The following PRLHR variants were observed in gnomAD, a reference collection of about 807,000 sequenced individuals.
The protein encoded by PRLHR is prolactin releasing hormone receptor, also known as prolactin-releasing peptide receptor.
In PRLHR, 10 loss-of-function variants were observed where a neutral mutation model predicts 9.3. The observed-to-expected ratio is 1.08, with a 90% CI of 0.66 to 1.82. The LOEUF (loss-of-function observed/expected upper bound fraction) is 1.82, where lower values mean the gene tolerates loss of function less well. Among genes scored for constraint, PRLHR ranks in the 40% most tolerant of loss-of-function variants. The pLI is 0.00. For missense variants in PRLHR, 589 were observed against 512.0 expected, an observed-to-expected ratio of 1.15 and a Z score of -1.45; for synonymous variants, 261 against 249.3, an observed-to-expected ratio of 1.05 and a Z score of -0.44.
In PRLHR at chr10:118,590,537, C is replaced by T. The variant is rs1844423337; in HGVS notation, c.*3595G>A. On this transcript the variant is annotated 3_prime_UTR_variant, in exon 2 of 2. Coordinates refer to ENST00000239032, the MANE Select transcript of PRLHR (RefSeq NM_004248.3). ...CCAAAAGTGTGACCTGGTGACAAAGCTTGCAAAGAGGATTACAGAACCTCC... is the reference window on the plus strand; with the variant it reads ...CCAAAAGTGTGACCTGGTGACAAAGTTTGCAAAGAGGATTACAGAACCTCC... 6.6e-6 allele frequency: 1 copy of T among 152,184 alleles called. No individual in the cohort carries two copies. Among genetic ancestry groups the T allele is most frequent in the African/African-American group, 2.4e-5 (1 of 41,452 alleles). 9.4% of individuals were successfully genotyped at this position (152,184 alleles called of 1,614,324 possible). A position where few individuals can be genotyped will look rare whatever the true frequency, so the allele number is the denominator to read the frequency against.
Position 118,594,021 on chromosome 10 carries a change from TG to T in PRLHR, c.*110del. ...GGGCTGGGCTGGAAATGTTGCCCTATGTTGGCTTAGCTAGCTCTGGTGCTGA... is the reference window on the plus strand; with the variant it reads ...GGGCTGGGCTGGAAATGTTGCCCTATTTGGCTTAGCTAGCTCTGGTGCTGA... On this transcript the variant is annotated 3_prime_UTR_variant, in exon 2 of 2. Transcript: ENST00000239032. The T allele has an allele frequency of 7.0e-7, 1 of 1,430,146 alleles. No homozygotes were observed. The highest frequency in any genetic ancestry group is 1.8e-5 in the South Asian group (1 of 54,846). The allele number at this position is 1,430,146 out of a possible 1,614,324, so 88.6% of individuals were successfully genotyped here. A position where few individuals can be genotyped will look rare whatever the true frequency, so the allele number is the denominator to read the frequency against.
chr10:118,592,462 C>T lies in PRLHR; in HGVS notation c.*1670G>A, dbSNP rs1032340752. 1 of 152,304 alleles carries T rather than the reference C, an allele frequency of 6.6e-6. No individual in the cohort carries two copies. Among genetic ancestry groups the T allele is most frequent in the Non-Finnish European group, 1.5e-5 (1 of 68,122 alleles). The allele number at this position is 152,304 out of a possible 1,614,324, so 9.4% of individuals were successfully genotyped here. ...TTTGTTCTCCAATCCACGGATGAAGCTCAAGTTCATTTAGCACCATTGCCA... is the reference window on the plus strand; with the variant it reads ...TTTGTTCTCCAATCCACGGATGAAGTTCAAGTTCATTTAGCACCATTGCCA... On this transcript the variant is annotated 3_prime_UTR_variant, in exon 2 of 2. Transcript: ENST00000239032.
rs752821398 is a variant in PRLHR at position 118,594,106 on chromosome 10, C to G, written c.*26G>C. On this transcript the variant is annotated 3_prime_UTR_variant, in exon 2 of 2. Coordinates refer to ENST00000239032, the MANE Select transcript of PRLHR (RefSeq NM_004248.3). ...TAGGAGGCCAGTTGAAGTGGAGCTCCTTGACCAAGGCCTGGCTAAGTGGCA... is the reference window on the plus strand; with the variant it reads ...TAGGAGGCCAGTTGAAGTGGAGCTCGTTGACCAAGGCCTGGCTAAGTGGCA... 4.3e-5 allele frequency: 65 copies of G among 1,510,390 alleles called. No individual in the cohort carries two copies. Among genetic ancestry groups the G allele is most frequent in the Non-Finnish European group, 5.6e-5 (63 of 1,128,834 alleles). 93.6% of individuals were successfully genotyped at this position (1,510,390 alleles called of 1,614,324 possible). A position where few individuals can be genotyped will look rare whatever the true frequency, so the allele number is the denominator to read the frequency against.
Position 118,594,026 on chromosome 10 carries a change from G to T in PRLHR, c.*106C>A. Reference sequence around the variant, plus strand: ...GGGCTGGAAATGTTGCCCTATGTTGGCTTAGCTAGCTCTGGTGCTGAGAAT... The same window carrying T: ...GGGCTGGAAATGTTGCCCTATGTTGTCTTAGCTAGCTCTGGTGCTGAGAAT... On this transcript the variant is annotated 3_prime_UTR_variant, in exon 2 of 2. Transcript: ENST00000239032. 1 of 1,448,504 alleles carries T rather than the reference G, an allele frequency of 6.9e-7. No individual in the cohort carries two copies. Among genetic ancestry groups the T allele is most frequent in the Non-Finnish European group, 9.1e-7 (1 of 1,097,310 alleles). 89.7% of individuals were successfully genotyped at this position (1,448,504 alleles called of 1,614,324 possible). A position where few individuals can be genotyped will look rare whatever the true frequency, so the allele number is the denominator to read the frequency against.
rs767604371 is a variant in PRLHR, at chr10:118,594,194, C to T, written c.1051G>A (p.Val351Ile). ...SFREELRKLL[V>I]AWPRKIAPHG... ...GGGGCTATCTTGCGGGGCCAAGCGACCAACAGTTTGCGCAGCTCCTCGCGG... is the reference window on the plus strand; with the variant it reads ...GGGGCTATCTTGCGGGGCCAAGCGATCAACAGTTTGCGCAGCTCCTCGCGG... The change falls in exon 2 of 2, where the codon GTC (valine) becomes ATC (isoleucine). Residue 351 changes from valine to isoleucine, a missense_variant. Coordinates refer to ENST00000239032, the MANE Select transcript of PRLHR (RefSeq NM_004248.3). 1 of 1,568,900 alleles carries T rather than the reference C, an allele frequency of 6.4e-7. No individual in the cohort carries two copies. The highest frequency in any genetic ancestry group is 1.2e-5 in the South Asian group (1 of 82,724).
Position 118,595,241 on chromosome 10 carries a change from C to T in PRLHR, c.4G>A (p.Ala2Thr), listed in dbSNP as rs750092140. 2 of 1,521,744 alleles carry T rather than the reference C, an allele frequency of 1.3e-6. No individual in the cohort carries two copies. The highest frequency in any genetic ancestry group is 1.8e-4 in the Middle Eastern group (1 of 5,634). 94.3% of individuals were successfully genotyped at this position (1,521,744 alleles called of 1,614,324 possible). A position where few individuals can be genotyped will look rare whatever the true frequency, so the allele number is the denominator to read the frequency against. MASSTTRGPRVS... is the reference protein window; with the variant it reads MTSSTTRGPRVS... Reference sequence around the variant, plus strand: ...CTGGGGCCCCGAGTGGTCGATGAGGCCATGGCCACCTGTTCAAAGGTAATC... The same window carrying T: ...CTGGGGCCCCGAGTGGTCGATGAGGTCATGGCCACCTGTTCAAAGGTAATC... The change falls in exon 2 of 2, where the codon GCC becomes ACC. Residue 2 changes from alanine (A) to threonine (T), a missense_variant. Coordinates refer to ENST00000239032, the MANE Select transcript of PRLHR (RefSeq NM_004248.3).
In PRLHR at chr10:118,594,868, C is replaced by G; in HGVS notation, c.377G>C (p.Gly126Ala). Reference protein sequence around the residue: ...LTLAYAFEPRGWVFGGGLCHL... With the variant: ...LTLAYAFEPRAWVFGGGLCHL... The stretch of plus-strand genomic sequence containing the variant: ...GCACAGGCCGCCGCCGAACACCCAG[C>G]CGCGTGGCTCGAAGGCATAGGCCAG... Residue 126 changes from glycine (G) to alanine (A), a missense_variant, in exon 2 of 2, where the codon GGC (glycine) becomes GCC (alanine). Transcript: ENST00000239032. 1.2e-6 allele frequency: 2 copies of G among 1,613,342 alleles called. No individual in the cohort carries two copies. The highest frequency in any genetic ancestry group is 1.7e-6 in the Non-Finnish European group (2 of 1,179,886).
chr10:118,594,376 C>A lies in PRLHR; in HGVS notation c.869G>T (p.Cys290Phe), dbSNP rs1343264624. Residue 290 changes from cysteine to phenylalanine, a missense_variant, in exon 2 of 2, where the codon TGC becomes TTC. By Grantham distance (205) the Cys-to-Phe change is radical. Transcript: ENST00000239032. ...LVVIVVVFAV[C>F]WLPLHVFNLL... is the part of the protein sequence containing the mutation. ...GTTGAAGACGTGCAGCGGCAGCCAG[C>A]AGACGGCGAACACCACCACGATCAC... is the stretch of plus-strand genomic sequence containing the variant. The A allele has an allele frequency of 2.5e-6, 4 of 1,599,918 alleles. No homozygotes were observed. The highest frequency in any genetic ancestry group is 1.3e-5 in the African/African-American group (1 of 74,812).
At position 118,591,502 on chromosome 10, in the gene PRLHR, C is replaced by T. The variant is rs181081614; in HGVS notation, c.*2630G>A. Reference sequence around the variant, plus strand: ...AGAAATATGTAAGTAAACTGTTGAACGAATCCCTATATATTCTGATTTCAA... The same window carrying T: ...AGAAATATGTAAGTAAACTGTTGAATGAATCCCTATATATTCTGATTTCAA... On this transcript the variant is annotated 3_prime_UTR_variant, in exon 2 of 2. Coordinates refer to ENST00000239032, the MANE Select transcript of PRLHR (RefSeq NM_004248.3). 2 of 152,070 alleles carry T rather than the reference C, an allele frequency of 1.3e-5. No homozygotes were observed. Among genetic ancestry groups the T allele is most frequent in the East Asian group, 1.9e-4 (1 of 5,178 alleles). 9.4% of individuals were successfully genotyped at this position (152,070 alleles called of 1,614,324 possible). A position where few individuals can be genotyped will look rare whatever the true frequency, so the allele number is the denominator to read the frequency against.
At position 118,594,551 on chromosome 10, in the gene PRLHR, C is replaced by T; in HGVS notation, c.694G>A (p.Val232Ile). ...RQLYAWGLLL[V>I]TYLLPLLVIL... ...ACCAGCAGAGGGAGCAGGTAGGTGA[C>T]CAGCAGCAGCCCCCAGGCGTAGAGC... The change falls in exon 2 of 2, where the codon GTC becomes ATC. Residue 232 changes from valine to isoleucine, a missense_variant. Physicochemically the swap from Val to Ile is conservative, Grantham distance 29. Transcript: ENST00000239032. The T allele has an allele frequency of 6.4e-7, 1 of 1,563,530 alleles. No homozygotes were observed. Among genetic ancestry groups the T allele is most frequent in the Non-Finnish European group, 8.7e-7 (1 of 1,154,276 alleles).
Position 118,592,638 on chromosome 10 carries a change from T to A in PRLHR, c.*1494A>T, listed in dbSNP as rs1844444221. The A allele has an allele frequency of 6.6e-6, 1 of 152,356 alleles. No homozygotes were observed. The allele number at this position is 152,356 out of a possible 1,614,324, so 9.4% of individuals were successfully genotyped here. ...ACCGTGATCACTCCCACTCCCACCA[T>A]GGTTGTTGACATGAATGTAATAGGA... On this transcript the variant is annotated 3_prime_UTR_variant, in exon 2 of 2. Coordinates refer to ENST00000239032, the MANE Select transcript of PRLHR (RefSeq NM_004248.3).
At position 118,594,229 on chromosome 10, in the gene PRLHR, T is replaced by C. The variant is rs1395487100; in HGVS notation, c.1016A>G (p.His339Arg). 29 of 1,596,310 alleles carry C rather than the reference T, an allele frequency of 1.8e-5. No individual in the cohort carries two copies. Among genetic ancestry groups the C allele is most frequent in the Non-Finnish European group, 2.4e-5 (28 of 1,171,876 alleles). The change falls in exon 2 of 2, where the codon CAC (histidine) becomes CGC (arginine). Residue 339 changes from histidine (H) to arginine (R), a missense_variant. Coordinates refer to ENST00000239032, the MANE Select transcript of PRLHR (RefSeq NM_004248.3). Reference protein sequence around the residue: ...CYNPFIYAWLHDSFREELRKL... With the variant: ...CYNPFIYAWLRDSFREELRKL... ...GCGCAGCTCCTCGCGGAAGCTGTCG[T>C]GCAGCCAGGCGTAGATGAAGGGGTT... is the stretch of plus-strand genomic sequence containing the variant.
rs1844446606 is a variant in PRLHR, at chr10:118,592,955, C to G, written c.*1177G>C. 6.6e-6 allele frequency: 1 copy of G among 152,186 alleles called. No homozygotes were observed. The highest frequency in any genetic ancestry group is 2.1e-4 in the South Asian group (1 of 4,826). The allele number at this position is 152,186 out of a possible 1,614,324, so 9.4% of individuals were successfully genotyped here. On this transcript the variant is annotated 3_prime_UTR_variant, in exon 2 of 2. Coordinates refer to ENST00000239032, the MANE Select transcript of PRLHR (RefSeq NM_004248.3). ...AGACCTTTGTCCCAAGGCACTTGTCCTCATTTACAGAACTCACAGGAGGTT... is the reference window on the plus strand; with the variant it reads ...AGACCTTTGTCCCAAGGCACTTGTCGTCATTTACAGAACTCACAGGAGGTT...
At position 118,594,650 on chromosome 10, in the gene PRLHR, A is replaced by G; in HGVS notation, c.595T>C (p.Tyr199His). 2 of 1,586,256 alleles carry G rather than the reference A, an allele frequency of 1.3e-6. No individual in the cohort carries two copies. Among genetic ancestry groups the G allele is most frequent in the African/African-American group, 1.3e-5 (1 of 74,620 alleles). The change falls in exon 2 of 2, where the codon TAT becomes CAT. Residue 199 changes from tyrosine (Y) to histidine (H), a missense_variant. Transcript: ENST00000239032. ...TCGTGCGGCTTGAGCTCCACGTGAT[A>G]GGTGTGCACGGCGGCGGGCAGCGCC... Reference protein sequence around the residue: ...VLALPAAVHTYHVELKPHDVR... With the variant: ...VLALPAAVHTHHVELKPHDVR...
rs1444115681 is a variant in PRLHR, at chr10:118,593,721, A to T, written c.*411T>A. ...TCCTTTTTCTAAAGGCAAACTGAAA[A>T]TCTTTACCAAGCCCAATGCATTCCT... On this transcript the variant is annotated 3_prime_UTR_variant, in exon 2 of 2. Coordinates refer to ENST00000239032, the MANE Select transcript of PRLHR (RefSeq NM_004248.3). The T allele has an allele frequency of 6.5e-6, 1 of 154,824 alleles. No homozygotes were observed. Among genetic ancestry groups the T allele is most frequent in the Non-Finnish European group, 1.4e-5 (1 of 69,972 alleles). The allele number at this position is 154,824 out of a possible 1,614,324, so 9.6% of individuals were successfully genotyped here.
chr10:118,590,981 C>T lies in PRLHR; in HGVS notation c.*3151G>A, dbSNP rs1251799792. On this transcript the variant is annotated 3_prime_UTR_variant, in exon 2 of 2. Transcript: ENST00000239032. ...GCTTTTCTAGTAATTAATGGAGATG[C>T]TTGTTTTTCATAGTTGATATAAACT... The T allele has an allele frequency of 1.3e-5, 2 of 152,158 alleles. No individual in the cohort carries two copies. The highest frequency in any genetic ancestry group is 2.9e-5 in the Non-Finnish European group (2 of 68,024). The allele number at this position is 152,158 out of a possible 1,614,324, so 9.4% of individuals were successfully genotyped here. A position where few individuals can be genotyped will look rare whatever the true frequency, so the allele number is the denominator to read the frequency against.
rs560641981 is a variant in PRLHR at position 118,591,001 on chromosome 10, T to C, written c.*3131A>G. The C allele has an allele frequency of 6.6e-6, 1 of 152,368 alleles. No homozygotes were observed. Among genetic ancestry groups the C allele is most frequent in the Non-Finnish European group, 1.5e-5 (1 of 68,028 alleles). The allele number at this position is 152,368 out of a possible 1,614,324, so 9.4% of individuals were successfully genotyped here. A position where few individuals can be genotyped will look rare whatever the true frequency, so the allele number is the denominator to read the frequency against. The stretch of plus-strand genomic sequence containing the variant: ...AGATGCTTGTTTTTCATAGTTGATA[T>C]AAACTTAAGCTAATCAAGGAGCACT... On this transcript the variant is annotated 3_prime_UTR_variant, in exon 2 of 2. Transcript: ENST00000239032.
rs749817459 is a variant in PRLHR, at chr10:118,594,240, G to A, written c.1005C>T (p.Tyr335=). The change falls in exon 2 of 2, where the codon TAC becomes TAT. Residue 335 remains tyrosine, a synonymous_variant. Coordinates refer to ENST00000239032, the MANE Select transcript of PRLHR (RefSeq NM_004248.3). ...MSSACYNPFI[Y]AWLHDSFREE... is the part of the protein sequence containing the mutation. ...CGCGGAAGCTGTCGTGCAGCCAGGC[G>A]TAGATGAAGGGGTTGTAGCAGGCCG... The A allele has an allele frequency of 1.2e-6, 2 of 1,602,078 alleles. No individual in the cohort carries two copies. The highest frequency in any genetic ancestry group is 1.7e-6 in the Non-Finnish European group (2 of 1,174,548).
Position 118,594,544 on chromosome 10 carries a change from T to C in PRLHR, c.701A>G (p.Tyr234Cys). 6 of 1,567,922 alleles carry C rather than the reference T, an allele frequency of 3.8e-6. No individual in the cohort carries two copies. Among genetic ancestry groups the C allele is most frequent in the Non-Finnish European group, 3.5e-6 (4 of 1,156,654 alleles). Residue 234 changes from tyrosine to cysteine, a missense_variant, in exon 2 of 2, where the codon TAC (tyrosine) becomes TGC (cysteine). Transcript: ENST00000239032. ...GAGGATGACCAGCAGAGGGAGCAGG[T>C]AGGTGACCAGCAGCAGCCCCCAGGC... ...LYAWGLLLVT[Y>C]LLPLLVILLS... is the part of the protein sequence containing the mutation.
Sources: gnomAD v4.1 joint callset for allele counts on GRCh38, gnomAD v4.1.1 for gene constraint, MANE v1.5 for transcripts, NCBI Gene and HGNC (gene_info 2026-07-23, HGNC 2026-07-21) for gene names.